CNTN5: variants seen among roughly 807,000 people sequenced by gnomAD.
The protein encoded by CNTN5 is contactin 5.
CNTN5 carries 77 observed loss-of-function variants against 129.1 expected under a neutral mutation model. That is an observed-to-expected ratio of 0.60 (90% CI 0.50 to 0.72). The LOEUF is 0.72. Among genes scored for constraint, CNTN5 ranks in the 30% least tolerant of loss-of-function variants. CNTN5 has a pLI of 0.00. For missense variants in CNTN5, 1,478 were observed against 1,328.8 expected (o/e 1.11, Z -1.75); for synonymous variants, 509 against 465.6 (o/e 1.09, Z -1.20).
At chr11:99,370,531 C>T (rs771838714) in intron 2 of CNTN5, among the ~76,000 whole-genome samples, 47 of 152,096 alleles carry the variant, frequency 3.1e-4, no homozygotes, top group Non-Finnish European at 6.0e-4. Flanking sequence ...TTCAAGTGTT[C>T]GTGCTATATT....
intron 3 of CNTN5, among the ~76,000 whole-genome samples, chr11:99,638,795 G>C (rs1314959612): frequency 1.3e-5 from 2 of 152,126 alleles, no homozygotes; most frequent in Non-Finnish European, 2.9e-5. Context: ...GCTTTCCAGG[G>C]TACAGCCTCC....
chr11:99,778,313 G>A (rs11221334), intron 3 of CNTN5, among the ~76,000 whole-genome samples: 23,634 of 151,660 alleles, frequency 0.16, 1,960 homozygotes, highest in Non-Finnish European at 0.17. Flanking sequence ...TCAATATTGA[G>A]CAATGATTAG....
chr11:99,709,970 A>C (rs1002491723), intron 3 of CNTN5, among the ~76,000 whole-genome samples: 2 of 151,890 alleles, frequency 1.3e-5, no homozygotes, highest in African/African-American at 4.8e-5. Context: ...TGATTTCTGC[A>C]TAAGCTGTGT....
chr11:99,261,949 A>G (rs1352461185), intron 1 of CNTN5, among the ~76,000 whole-genome samples: 3 of 151,956 alleles, frequency 2.0e-5, no homozygotes, highest in African/African-American at 7.2e-5. Flanking sequence ...CATTCCATCT[A>G]CCAAAGGAGT....
At chr11:100,163,320 T>C (rs1947521001) in intron 13 of CNTN5, among the ~76,000 whole-genome samples, 2 of 151,810 alleles carry the variant, frequency 1.3e-5, no homozygotes, top group Admixed American at 6.6e-5. Context: ...TAAACTTGTT[T>C]ATGTTTTTTT....
intron 1 of CNTN5, among the ~76,000 whole-genome samples, chr11:99,194,869 TG>T (rs1408828783): frequency 2.0e-5 from 3 of 152,308 alleles, no homozygotes; most frequent in African/African-American, 7.2e-5. Context: ...CCTCCTAAAA[TG>T]CTAGGATTAC....
chr11:99,844,333 T>G (rs964691170), intron 4 of CNTN5, among the ~76,000 whole-genome samples: 6 of 152,116 alleles, frequency 3.9e-5, no homozygotes, highest in Non-Finnish European at 7.4e-5. Context: ...TGTTACATCA[T>G]TTTTTTACAC....
rs548777208 is a variant in CNTN5, at chr11:100,077,359, A to G, written c.1580+3065A>G. ...ATGTGCCCCACTCATCCAACCTACA[A>G]CAATTGAGACAAAAATGTTGAATGA... is the stretch of plus-strand genomic sequence containing the variant. On this transcript the variant is annotated intron_variant, in intron 13 of 24. Coordinates refer to ENST00000524871, the MANE Select transcript of CNTN5 (RefSeq NM_014361.4). Among the ~76,000 whole-genome samples the G allele has an allele frequency of 2.1e-3, 318 of 152,274 alleles. 2 individuals are homozygous for G. The highest frequency in any genetic ancestry group is 0.017 in the Middle Eastern group (5 of 294).
intron 15 of CNTN5, among the ~76,000 whole-genome samples, chr11:100,212,645 C>T (rs1178428837): frequency 6.6e-6 from 1 of 152,058 alleles, no homozygotes; most frequent in Non-Finnish European, 1.5e-5. Context: ...AGTCATGTCC[C>T]TTGTCTAGGT....
At chr11:99,498,520 C>T (rs1946312426) in intron 2 of CNTN5, among the ~76,000 whole-genome samples, 1 of 152,140 alleles carries the variant, frequency 6.6e-6, no homozygotes, top group Non-Finnish European at 1.5e-5. Context: ...CCCTAACTAG[C>T]ATCAATGTTC....
At chr11:100,288,483 C>A (rs996680894) in intron 18 of CNTN5, among the ~76,000 whole-genome samples, 1 of 152,164 alleles carries the variant, frequency 6.6e-6, no homozygotes, top group Non-Finnish European at 1.5e-5. Context: ...TACATGGAAA[C>A]TGAACAACCT....
intron 6 of CNTN5, among the ~76,000 whole-genome samples, chr11:99,895,009 A>T (rs944999538): frequency 6.6e-6 from 1 of 152,172 alleles, no homozygotes; most frequent in Non-Finnish European, 1.5e-5. Context: ...CTTCCTATAA[A>T]TATATAAGGC....
intron 1 of CNTN5, among the ~76,000 whole-genome samples, chr11:99,134,324 T>A (rs985425304): frequency 2.6e-5 from 4 of 152,008 alleles, no homozygotes; most frequent in African/African-American, 9.7e-5. Flanking sequence ...AGGTGATGGG[T>A]TGACAGGTGC....
At chr11:99,710,567 A>ATG (rs71050018) in intron 3 of CNTN5, among the ~76,000 whole-genome samples, 11,788 of 140,336 alleles carry the variant, frequency 0.084, 460 homozygotes, top group East Asian at 0.16. Flanking sequence ...GTGTGTGTGC[A>ATG]TGTGTGTGTG....
At chr11:99,251,416 A>G (rs1238636108) in intron 1 of CNTN5, among the ~76,000 whole-genome samples, 2 of 151,900 alleles carry the variant, frequency 1.3e-5, no homozygotes, top group Non-Finnish European at 2.9e-5. Flanking sequence ...TTAAATGTCT[A>G]GAAGAAATGG....
At chr11:100,338,554 C>A (rs1029929316) in intron 21 of CNTN5, among the ~76,000 whole-genome samples, 1 of 152,194 alleles carries the variant, frequency 6.6e-6, no homozygotes, top group South Asian at 2.1e-4. Context: ...TCTCTTATGA[C>A]CTTCGCCGCA....
At chr11:99,462,040 T>G (rs2135236788) in intron 2 of CNTN5, among the ~76,000 whole-genome samples, 1 of 152,322 alleles carries the variant, frequency 6.6e-6, no homozygotes, top group East Asian at 1.9e-4. Context: ...TGGCTATTTT[T>G]ACTGAGAACC....
chr11:99,085,188 G>T (rs1297688467), intron 1 of CNTN5, among the ~76,000 whole-genome samples: 2 of 151,924 alleles, frequency 1.3e-5, no homozygotes, highest in Admixed American at 1.3e-4. Flanking sequence ...GGGAGTACAG[G>T]CAGGTACCCC....
intron 2 of CNTN5, among the ~76,000 whole-genome samples, chr11:99,353,219 G>A (rs1389759079): frequency 6.6e-6 from 1 of 152,126 alleles, no homozygotes; most frequent in East Asian, 1.9e-4. Flanking sequence ...AGGCACAAAG[G>A]CATCTTACCT....
Sources: allele counts gnomAD v4.1 joint callset (sites outside exome capture counted in the v4.1 genomes callset), GRCh38; gene constraint gnomAD v4.1.1; transcripts MANE v1.5; gene names NCBI Gene and HGNC (gene_info 2026-07-23, HGNC 2026-07-21).